The following HMGCLL1 variants were observed in gnomAD, a reference collection of about 807,000 sequenced individuals.
The protein encoded by HMGCLL1 is 3-hydroxy-3-methylglutaryl-CoA lyase like 1, also known as 3-hydroxymethyl-3-methylglutaryl-CoA lyase, cytoplasmic.
Under a neutral mutation model 39.1 loss-of-function variants are expected in HMGCLL1, and 36 were observed. That is an observed-to-expected ratio of 0.92 (90% CI 0.71 to 1.22). The LOEUF is 1.22. Ranked by LOEUF, HMGCLL1 falls within the 50% of genes most tolerant of loss-of-function variation. The pLI is 0.00. For missense variants in HMGCLL1, 451 were observed against 416.5 expected, an observed-to-expected ratio of 1.08 and a Z score of -0.72; for synonymous variants, 149 against 144.0, an observed-to-expected ratio of 1.03 and a Z score of -0.25.
At chr6:55,632,156 T>C in the HMGCLL1 span, among the ~76,000 whole-genome samples, 1 of 152,136 alleles carries the variant, frequency 6.6e-6, no homozygotes, top group African/African-American at 2.4e-5. Context: ...AGCCAAGATG[T>C]AGGTTATAAT....
intron 7 of HMGCLL1, among the ~76,000 whole-genome samples, chr6:55,483,497 T>C (rs1200470453): frequency 6.6e-6 from 1 of 152,160 alleles, no homozygotes; most frequent in Non-Finnish European, 1.5e-5. Flanking sequence ...TCTCTTGACC[T>C]CATGATCTGC....
intron 3 of HMGCLL1, 95 bp downstream of exon 3, chr6:55,541,634 T>C (rs1769438354): frequency 1.5e-6 from 1 of 663,024 alleles, no homozygotes; most frequent in Non-Finnish European, 2.7e-6. Context: ...ATATGGAAAA[T>C]TAGTAATTAT....
chr6:55,587,769 A>G, the HMGCLL1 span, among the ~76,000 whole-genome samples: 123 of 152,280 alleles, frequency 8.1e-4, 3 homozygotes, highest in East Asian at 0.022. Context: ...CTCTGACTAA[A>G]CAGAATTTAA....
chr6:55,663,219 C>T, the HMGCLL1 span, among the ~76,000 whole-genome samples: 1 of 151,086 alleles, frequency 6.6e-6, no homozygotes, highest in Non-Finnish European at 1.5e-5. Context: ...TTTTTGTTCT[C>T]TGCTAGTTTT....
rs61266176 is a variant in HMGCLL1, at chr6:55,478,758, T to C, written c.795+16661A>G. 2.6e-3 allele frequency among the ~76,000 whole-genome samples: 391 copies of C among 151,500 alleles called. 18 individuals are homozygous for C. The highest frequency in any genetic ancestry group is 8.8e-3 in the African/African-American group (363 of 41,018). On this transcript the variant is annotated intron_variant, in intron 7 of 8. Coordinates refer to ENST00000274901, the MANE Select transcript of HMGCLL1 (RefSeq NM_001042406.2). ...TCTTATGTGGAGTCAAAGTTTGCAT[T>C]TGTAGTGGACAGCTTGTTGATCTAA...
upstream of HMGCLL1, among the ~76,000 whole-genome samples, chr6:55,581,155 G>T (rs1429935584): frequency 6.6e-6 from 1 of 151,844 alleles, no homozygotes; most frequent in Non-Finnish European, 1.5e-5. Context: ...AGTCAGATAT[G>T]ATATGATCTT....
the HMGCLL1 span, among the ~76,000 whole-genome samples, chr6:55,588,674 A>G: frequency 1.3e-5 from 2 of 152,186 alleles, no homozygotes; most frequent in South Asian, 2.1e-4. Context: ...CTAATAAAGA[A>G]GAAAAGAGAG....
At chr6:55,642,264 T>G in the HMGCLL1 span, among the ~76,000 whole-genome samples, 1 of 151,016 alleles carries the variant, frequency 6.6e-6, no homozygotes, top group Non-Finnish European at 1.5e-5. Context: ...CTGCATAGTA[T>G]TCCATGGTGT....
At chr6:55,563,720 A>T (rs368655788) in intron 1 of HMGCLL1, 32 of 415,776 alleles carry the variant, frequency 7.7e-5, no homozygotes, top group African/African-American at 6.5e-4. Context: ...CTGCATCAAA[A>T]CTAGCTAAAT....
rs199698637 is a variant in HMGCLL1, at chr6:55,516,551, C to G, written c.350G>C (p.Arg117Pro). ...MKGIHQYPGVRYPVLTPNLQG... is the reference protein window; with the variant it reads ...MKGIHQYPGVPYPVLTPNLQG... ...AAGATTAGGAGTAAGGACAGGATAG[C>G]GAACTCCTGGATATTGATGAATGCC... The change falls in exon 4 of 9, where the codon CGC becomes CCC. Residue 117 changes from arginine (R) to proline (P), a missense_variant. Transcript: ENST00000274901. The G allele has an allele frequency of 5.6e-6, 9 of 1,601,484 alleles. No individual in the cohort carries two copies. The highest frequency in any genetic ancestry group is 7.7e-6 in the Non-Finnish European group (9 of 1,171,742).
rs372440615 is a variant in HMGCLL1, at chr6:55,465,970, T to C, written c.796-26411A>G. 6.9e-4 allele frequency among the ~76,000 whole-genome samples: 105 copies of C among 152,196 alleles called. No homozygotes were observed. The Middle Eastern group carries it at 0.01, about 15-fold the overall frequency. On this transcript the variant is annotated intron_variant, in intron 7 of 8. Coordinates refer to ENST00000274901, the MANE Select transcript of HMGCLL1 (RefSeq NM_001042406.2). Reference sequence around the variant, plus strand: ...GAACCACTGCCCTTAACCTTTATTGTATAAGGATATTACTAATAGAAGTTA... The same window carrying C: ...GAACCACTGCCCTTAACCTTTATTGCATAAGGATATTACTAATAGAAGTTA...
rs1487006381 is a variant in HMGCLL1, at chr6:55,508,120, C to A, written c.542+5928G>T. The stretch of plus-strand genomic sequence containing the variant: ...TCTTCCAGCCCTAGTTTAAAGAAGT[C>A]CTATATTTGGAGGGCCTGGTTAACA... On this transcript the variant is annotated intron_variant, in intron 5 of 8. Coordinates refer to ENST00000274901, the MANE Select transcript of HMGCLL1 (RefSeq NM_001042406.2). 2.0e-5 allele frequency among the ~76,000 whole-genome samples: 3 copies of A among 151,706 alleles called. No homozygotes were observed. The Admixed American group carries it at 2.0e-4, about 10-fold the overall frequency.
chr6:55,556,640 C>G (rs999704015), intron 1 of HMGCLL1, among the ~76,000 whole-genome samples: 3 of 152,076 alleles, frequency 2.0e-5, no homozygotes, highest in Admixed American at 6.6e-5. Context: ...ATCTGAGGTA[C>G]ATTGGACTAT....
chr6:55,455,003 G>C lies in HMGCLL1; in HGVS notation c.796-15444C>G, dbSNP rs530508785. 1.0e-3 allele frequency among the ~76,000 whole-genome samples: 131 copies of C among 128,930 alleles called. 2 individuals are homozygous for C. In the East Asian group the frequency reaches 0.029, roughly 28 times the overall value. The allele number at this position is 128,930 out of a possible 152,430, so 84.6% of individuals were successfully genotyped here. A position where few individuals can be genotyped will look rare whatever the true frequency, so the allele number is the denominator to read the frequency against. On this transcript the variant is annotated intron_variant, in intron 7 of 8. Transcript: ENST00000274901. ...CTCAGGTCTGTGTTCCCAGCTACTGGGGAGACTGAGAGAAGATCACTTGAG... is the reference window on the plus strand; with the variant it reads ...CTCAGGTCTGTGTTCCCAGCTACTGCGGAGACTGAGAGAAGATCACTTGAG...
the HMGCLL1 span, among the ~76,000 whole-genome samples, chr6:55,663,074 T>A: frequency 6.6e-6 from 1 of 151,582 alleles, no homozygotes; most frequent in Non-Finnish European, 1.5e-5. Context: ...CTCTTCCCTG[T>A]TTTCTTTTTT....
the HMGCLL1 span, among the ~76,000 whole-genome samples, chr6:55,655,006 T>C: frequency 6.6e-6 from 1 of 151,952 alleles, no homozygotes; most frequent in South Asian, 2.1e-4. Flanking sequence ...CACCTACACA[T>C]GCAGGCACCG....
At chr6:55,478,585 G>A (rs62407069) in intron 7 of HMGCLL1, among the ~76,000 whole-genome samples, 22,808 of 151,212 alleles carry the variant, frequency 0.15, 2,122 homozygotes, top group Non-Finnish European at 0.2. Context: ...ACTAATTCTT[G>A]AAAATGAAAC....
the HMGCLL1 span, among the ~76,000 whole-genome samples, chr6:55,608,972 G>A: frequency 1.3e-5 from 2 of 152,214 alleles, no homozygotes; most frequent in African/African-American, 4.8e-5. Context: ...GGGCAGGGGA[G>A]GCCCTACCCC....
intron 1 of HMGCLL1, among the ~76,000 whole-genome samples, chr6:55,552,538 G>C (rs1770395812): frequency 6.6e-6 from 1 of 151,972 alleles, no homozygotes; most frequent in Admixed American, 6.5e-5. Context: ...AAAAATGGAG[G>C]TTACAATAGC....
Sources: allele counts gnomAD v4.1 joint callset (sites outside exome capture counted in the v4.1 genomes callset), GRCh38; gene constraint gnomAD v4.1.1; transcripts MANE v1.5; gene names NCBI Gene and HGNC (gene_info 2026-07-23, HGNC 2026-07-21).